COL4A6: variants seen among roughly 807,000 people sequenced by gnomAD.
The protein encoded by COL4A6 is collagen type IV alpha 6 chain, also known as collagen alpha-6(IV) chain.
Under a neutral mutation model 126.7 loss-of-function variants are expected in COL4A6, and 59 were observed. That is an observed-to-expected ratio of 0.47 (90% CI 0.38 to 0.58). The LOEUF is 0.58. COL4A6 is among the 20% of genes least tolerant of loss of function. The pLI, the probability that COL4A6 is intolerant of heterozygous loss-of-function variation, is 0.00. For synonymous variants in COL4A6, 547 were observed against 496.6 expected (o/e 1.10, Z -1.35); for missense variants, 1,285 against 1,337.3 (o/e 0.96, Z 0.61).
At chrX:108,326,317 G>C in intron 2 of COL4A6, among the ~76,000 whole-genome samples, 1 of 112,150 alleles carries the variant, frequency 8.9e-6, no homozygotes, top group Non-Finnish European at 1.9e-5. Context: ...TATAAAACAG[G>C]AATAAATCTG....
intron 3 of COL4A6, among the ~76,000 whole-genome samples, chrX:108,270,688 G>A (rs1336321487): frequency 8.9e-6 from 1 of 112,355 alleles, no homozygotes; most frequent in Non-Finnish European, 1.9e-5. Context: ...ATGTGTTAAA[G>A]AATGAGTCCT....
chrX:108,420,930 T>A (rs755996815), intron 2 of COL4A6, among the ~76,000 whole-genome samples: 1 of 111,780 alleles, frequency 8.9e-6, no homozygotes, highest in Non-Finnish European at 1.9e-5. Context: ...CATTTTTACT[T>A]TCTGAGGTCC....
At chrX:108,292,305 T>G (rs1415098355) in intron 3 of COL4A6, among the ~76,000 whole-genome samples, 1 of 112,391 alleles carries the variant, frequency 8.9e-6, no homozygotes, top group Non-Finnish European at 1.9e-5. Context: ...CAACATATTT[T>G]CATCTTCCAA....
chrX:108,297,985 C>T (rs1011744831), intron 3 of COL4A6, among the ~76,000 whole-genome samples: 11 of 109,985 alleles, frequency 1.0e-4, no homozygotes, highest in African/African-American at 3.6e-4. Context: ...CACACACACA[C>T]ACACATCTTG....
At position 108,172,473 on chromosome X, in the gene COL4A6, C is replaced by T; in HGVS notation, c.3198G>A (p.Leu1066=). ...GLPGASGLPG[L]KGDNGQTVEI... ...GAAAAAAAAAATGCTCCTTACCTTT[C>T]AGGCCTGGGAGACCAGATGCTCCTG... The change falls in exon 32 of 45, where the codon CTG becomes CTA. Residue 1066 remains leucine, a synonymous_variant. Coordinates refer to ENST00000334504, the MANE Select transcript of COL4A6 (RefSeq NM_033641.4). 2 of 1,184,091 alleles carry T rather than the reference C, an allele frequency of 1.7e-6. No individual in the cohort carries two copies. Among genetic ancestry groups the T allele is most frequent in the Non-Finnish European group, 2.3e-6 (2 of 879,567 alleles).
chrX:108,340,900 T>A (rs931912934), intron 2 of COL4A6, among the ~76,000 whole-genome samples: 13 of 109,920 alleles, frequency 1.2e-4, no homozygotes, highest in Non-Finnish European at 1.9e-4. Flanking sequence ...TAACTATACT[T>A]TATAAAGGCC....
At chrX:108,424,615 T>C (rs1284024316) in intron 2 of COL4A6, among the ~76,000 whole-genome samples, 1 of 111,981 alleles carries the variant, frequency 8.9e-6, no homozygotes, top group Non-Finnish European at 1.9e-5. Context: ...TGGAGTTTAA[T>C]GACTGATTAC....
intron 13 of COL4A6, among the ~76,000 whole-genome samples, chrX:108,198,397 C>T (rs1347175455): frequency 1.8e-5 from 2 of 110,167 alleles, no homozygotes; most frequent in Non-Finnish European, 3.8e-5. Context: ...TCTCAGAGGG[C>T]CTGAGAGCTT....
chrX:108,278,181 A>G (rs2037677172), intron 3 of COL4A6, among the ~76,000 whole-genome samples: 1 of 112,291 alleles, frequency 8.9e-6, no homozygotes, highest in African/African-American at 3.2e-5. Context: ...GCTTCAGACG[A>G]TCAAACTACT....
At chrX:108,207,658 T>C (rs1378828698) in intron 8 of COL4A6, among the ~76,000 whole-genome samples, 2 of 111,733 alleles carry the variant, frequency 1.8e-5, no homozygotes, top group African/African-American at 6.5e-5. Context: ...TGCATCTGTA[T>C]GGAACATACG....
chrX:108,371,856 G>GAAAAA (rs34557947), intron 2 of COL4A6, among the ~76,000 whole-genome samples: 1 of 50,587 alleles, frequency 2.0e-5, no homozygotes, highest in African/African-American at 7.8e-5. Flanking sequence ...CAATATGAAG[G>GAAAAA]AAAAAAAAAA....
chrX:108,345,209 T>A (rs984990626), intron 2 of COL4A6, among the ~76,000 whole-genome samples: 2 of 111,803 alleles, frequency 1.8e-5, no homozygotes, highest in Non-Finnish European at 3.8e-5. Flanking sequence ...ATCTTTCCCA[T>A]CCCATAAGAC....
chrX:108,338,239 A>G (rs1164436138), intron 2 of COL4A6, among the ~76,000 whole-genome samples: 1 of 111,962 alleles, frequency 8.9e-6, no homozygotes, highest in Non-Finnish European at 1.9e-5. Context: ...GATGTCTTGG[A>G]CACATGGTTA....
At chrX:108,256,275 T>C (rs779790801) in intron 3 of COL4A6, among the ~76,000 whole-genome samples, 1 of 112,239 alleles carries the variant, frequency 8.9e-6, no homozygotes, top group South Asian at 3.6e-4. Flanking sequence ...ATACTACATA[T>C]AGCAAGAGTT....
At chrX:108,383,300 T>A (rs980140354) in intron 2 of COL4A6, 1 of 181,197 alleles carries the variant, frequency 5.5e-6, no homozygotes, top group African/African-American at 3.1e-5. Flanking sequence ...GGACATTTTA[T>A]CATGATGAAA....
Position 108,233,268 on chromosome X carries a change from A to T in COL4A6, c.145-11894T>A, listed in dbSNP as rs772128438. Among the ~76,000 whole-genome samples the T allele has an allele frequency of 1.4e-4, 16 of 111,759 alleles. No individual in the cohort carries two copies. In the East Asian group the frequency reaches 4.5e-3, roughly 31 times the overall value. Reference sequence around the variant, plus strand: ...GTGTATCTATTCCATTAGACAAGGGATACTTTTGGCATTATTCTCTGACAT... The same window carrying T: ...GTGTATCTATTCCATTAGACAAGGGTTACTTTTGGCATTATTCTCTGACAT... On this transcript the variant is annotated intron_variant, in intron 3 of 44. Transcript: ENST00000334504.
intron 2 of COL4A6, among the ~76,000 whole-genome samples, chrX:108,407,851 C>T (rs188490325): frequency 7.1e-5 from 8 of 112,231 alleles, no homozygotes; most frequent in African/African-American, 1.3e-4. Context: ...GTGGTGATCG[C>T]GTTAGTACCA....
chrX:108,325,180 A>G (rs1218782161), intron 2 of COL4A6, among the ~76,000 whole-genome samples: 1 of 112,211 alleles, frequency 8.9e-6, no homozygotes, highest in African/African-American at 3.2e-5. Flanking sequence ...TCATAAGCAA[A>G]GTTCAAACTC....
intron 3 of COL4A6, among the ~76,000 whole-genome samples, chrX:108,230,579 T>C (rs940455409): frequency 2.7e-5 from 3 of 112,036 alleles, no homozygotes; most frequent in Non-Finnish European, 5.6e-5. Flanking sequence ...GCCAGGGATC[T>C]TTCTCCTAGC....
Sources: gnomAD v4.1 joint callset for allele counts (sites outside exome capture counted in the v4.1 genomes callset) on GRCh38, gnomAD v4.1.1 for gene constraint, MANE v1.5 for transcripts, NCBI Gene and HGNC (gene_info 2026-07-23, HGNC 2026-07-21) for gene names.